Variants in PTPRJ observed in about 807,000 individuals in gnomAD.
The protein encoded by PTPRJ is receptor-type tyrosine-protein phosphatase eta.
PTPRJ carries 129 observed loss-of-function variants against 141.3 expected under a neutral mutation model. The observed-to-expected ratio is 0.91, with a 90% confidence interval of 0.79 to 1.06. The LOEUF (loss-of-function observed/expected upper bound fraction) is 1.06, where lower values mean the gene tolerates loss of function less well. PTPRJ is among the 50% of genes least tolerant of loss of function. The probability of loss-of-function intolerance (pLI) is 0.00; values close to 1 mark genes in which losing one functional copy is unlikely to be tolerated. For synonymous variants in PTPRJ, 610 were observed against 640.5 expected (o/e 0.95, Z 0.72); for missense variants, 1,601 against 1,679.7 (o/e 0.95, Z 0.82).
chr11:48,001,325 T>C (rs1192896655), intron 1 of PTPRJ, among the ~76,000 whole-genome samples: 1 of 151,414 alleles, frequency 6.6e-6, no homozygotes, highest in Non-Finnish European at 1.5e-5. Context: ...ATAATATTCT[T>C]ACCTTTTGCA....
chr11:48,026,068 A>G (rs1042810955), intron 1 of PTPRJ, among the ~76,000 whole-genome samples: 19 of 152,156 alleles, frequency 1.2e-4, no homozygotes, highest in African/African-American at 4.6e-4. Flanking sequence ...CACATCTTTC[A>G]GCTTCTATAG....
chr11:48,139,809 A>G (rs748020900), intron 11 of PTPRJ, 33 bp downstream of exon 11: 2 of 1,608,552 alleles, frequency 1.2e-6, no homozygotes, highest in Non-Finnish European at 1.7e-6. Flanking sequence ...GTCAGTTGGC[A>G]CTGTGATCAC....
At chr11:47,981,458 G>A (rs1004185779) in intron 1 of PTPRJ, among the ~76,000 whole-genome samples, 2 of 152,162 alleles carry the variant, frequency 1.3e-5, no homozygotes, top group African/African-American at 2.4e-5. Flanking sequence ...GGCCCGAGGG[G>A]CGGCGGGGGC....
chr11:48,120,877 G>GA, intron 3 of PTPRJ, 126 bp from the exon 4 acceptor site: 3 of 821,736 alleles, frequency 3.7e-6, no homozygotes, highest in South Asian at 1.9e-5. Context: ...GGAAGTCTAG[G>GA]AGGCAAAGAG....
chr11:48,156,948 C>G (rs537389307), intron 21 of PTPRJ, among the ~76,000 whole-genome samples: 2 of 152,080 alleles, frequency 1.3e-5, no homozygotes, highest in Non-Finnish European at 2.9e-5. Context: ...GCAGCCTCCT[C>G]TCTCCTGCAA....
intron 8 of PTPRJ, 52 bp downstream of exon 8, chr11:48,130,768 G>A (rs1856957438): frequency 1.4e-6 from 2 of 1,474,004 alleles, no homozygotes; most frequent in East Asian, 4.8e-5. Context: ...AAGGAAATCA[G>A]TATAATTAAT....
chr11:48,095,098 G>T (rs563293677), intron 1 of PTPRJ, among the ~76,000 whole-genome samples: 63 of 152,288 alleles, frequency 4.1e-4, no homozygotes, highest in African/African-American at 1.5e-3. Context: ...TCACAGGACC[G>T]TTTCTGATTC....
At position 47,988,575 on chromosome 11, in the gene PTPRJ, C is replaced by G. The variant is rs1351685924; in HGVS notation, c.96+7567C>G. On this transcript the variant is annotated intron_variant, in intron 1 of 24. Transcript: ENST00000418331. ...TTGACCATTCTCCTATCAATGGACA[C>G]TTTAGTTGTTTTAGTACACCTCCCT... 3.3e-5 allele frequency among the ~76,000 whole-genome samples: 5 copies of G among 152,250 alleles called. No individual in the cohort carries two copies. In the East Asian group the frequency reaches 9.7e-4, roughly 29 times the overall value.
intron 1 of PTPRJ, among the ~76,000 whole-genome samples, chr11:48,032,377 A>G (rs73464827): frequency 0.021 from 3,194 of 152,342 alleles, 105 homozygotes; most frequent in African/African-American, 0.072. Flanking sequence ...TTGGGCTTCA[A>G]TACTTCTTAA....
intron 1 of PTPRJ, among the ~76,000 whole-genome samples, chr11:48,038,783 C>A (rs1045174330): frequency 9.3e-5 from 14 of 150,028 alleles, no homozygotes; most frequent in Admixed American, 2.7e-4. Flanking sequence ...AGCCATGGTG[C>A]CCGGTGGAGT....
chr11:48,152,848 C>T (rs910360892), intron 18 of PTPRJ, among the ~76,000 whole-genome samples: 9 of 152,060 alleles, frequency 5.9e-5, no homozygotes, highest in East Asian at 1.9e-4. Flanking sequence ...TATAGTTTGA[C>T]GTCAGCTAGC....
At chr11:48,119,618 C>T (rs1432587486) in intron 3 of PTPRJ, among the ~76,000 whole-genome samples, 1 of 152,084 alleles carries the variant, frequency 6.6e-6, no homozygotes, top group Non-Finnish European at 1.5e-5. Context: ...AGGCTGGTGT[C>T]GAACTCCTGA....
intron 1 of PTPRJ, 71 bp from the exon 2 acceptor site, chr11:48,109,987 G>T: frequency 6.4e-7 from 1 of 1,558,354 alleles, no homozygotes; most frequent in Non-Finnish European, 8.8e-7. Context: ...ATCCTCAACT[G>T]CTTTATTTCT....
intron 14 of PTPRJ, among the ~76,000 whole-genome samples, chr11:48,146,467 G>T (rs1465119443): frequency 6.6e-6 from 1 of 152,162 alleles, no homozygotes; most frequent in African/African-American, 2.4e-5. Flanking sequence ...AAACAAATGG[G>T]TTTCCTGTCA....
intron 1 of PTPRJ, among the ~76,000 whole-genome samples, chr11:48,107,375 G>T (rs565854395): frequency 1.5e-4 from 23 of 152,162 alleles, no homozygotes; most frequent in Non-Finnish European, 2.6e-4. Flanking sequence ...ACCGGCGAGG[G>T]GTTTCCCCTC....
Position 48,164,520 on chromosome 11 carries a change from G to C in PTPRJ, c.3855+5G>C, listed in dbSNP as rs1857865736. ...CCTTTAATGGTGCAGACAGAGGTGAGGCCAAGATCTGTATTTGACATTCCA... is the reference window on the plus strand; with the variant it reads ...CCTTTAATGGTGCAGACAGAGGTGACGCCAAGATCTGTATTTGACATTCCA... On this transcript the variant is annotated splice_donor_5th_base_variant and intron_variant, in intron 24 of 24. Transcript: ENST00000418331. 2 of 1,599,340 alleles carry C rather than the reference G, an allele frequency of 1.3e-6. No individual in the cohort carries two copies. The highest frequency in any genetic ancestry group is 1.7e-6 in the Non-Finnish European group (2 of 1,173,676).
chr11:48,106,106 T>G (rs1856281527), intron 1 of PTPRJ, among the ~76,000 whole-genome samples: 1 of 152,226 alleles, frequency 6.6e-6, no homozygotes, highest in African/African-American at 2.4e-5. Flanking sequence ...TCTATTTATT[T>G]TTTTACTGTG....
At chr11:48,023,751 C>T (rs1364653823) in intron 1 of PTPRJ, among the ~76,000 whole-genome samples, 1 of 151,876 alleles carries the variant, frequency 6.6e-6, no homozygotes, top group Non-Finnish European at 1.5e-5. Flanking sequence ...CATTGTACTC[C>T]AGCCTAGGCG....
chr11:48,151,771 C>A (rs141601693), intron 18 of PTPRJ, among the ~76,000 whole-genome samples: 2 of 152,176 alleles, frequency 1.3e-5, no homozygotes, highest in African/African-American at 4.8e-5. Flanking sequence ...TACAAAGGAC[C>A]TGAACTCATC....
Sources: allele counts gnomAD v4.1 joint callset (sites outside exome capture counted in the v4.1 genomes callset), GRCh38; gene constraint gnomAD v4.1.1; transcripts MANE v1.5; gene names NCBI Gene and HGNC (gene_info 2026-07-23, HGNC 2026-07-21).